TENM2: variants seen among roughly 807,000 people sequenced by gnomAD.
The protein encoded by TENM2 is teneurin transmembrane protein 2, also known as teneurin-2.
Under a neutral mutation model 245.2 loss-of-function variants are expected in TENM2, and 52 were observed. The ratio of observed to expected loss-of-function variants is 0.21; its 90% CI spans 0.17 to 0.27. The LOEUF is 0.27. TENM2 is among the 10% of genes least tolerant of loss of function. TENM2 has a pLI of 1.00. For synonymous variants in TENM2, 1,363 were observed against 1,438.9 expected (o/e 0.95, Z 1.19); for missense variants, 3,046 against 3,666.8 (o/e 0.83, Z 4.37).
At chr5:167,836,357 C>T (rs1768986494) in intron 2 of TENM2, among the ~76,000 whole-genome samples, 1 of 152,176 alleles carries the variant, frequency 6.6e-6, no homozygotes, top group African/African-American at 2.4e-5. Context: ...CAGGCCCTAC[C>T]TCCAGGAACT....
At chr5:167,311,632 CTT>C (rs761993583) in intron 1 of TENM2, among the ~76,000 whole-genome samples, 1 of 152,076 alleles carries the variant, frequency 6.6e-6, no homozygotes, top group Non-Finnish European at 1.5e-5. Context: ...CAGTGAACAT[CTT>C]TTACATAAAT....
chr5:167,823,937 T>C (rs903663265), intron 2 of TENM2, among the ~76,000 whole-genome samples: 1 of 152,158 alleles, frequency 6.6e-6, no homozygotes, highest in Non-Finnish European at 1.5e-5. Flanking sequence ...CTCTCAGGGC[T>C]ACATCCACAC....
chr5:167,215,348 C>T, the TENM2 span, among the ~76,000 whole-genome samples: 1 of 152,172 alleles, frequency 6.6e-6, no homozygotes, highest in Non-Finnish European at 1.5e-5. Context: ...GTGACTCTAA[C>T]GTGCGGGCAA....
At chr5:168,203,433 G>A (rs564422514) in intron 17 of TENM2, among the ~76,000 whole-genome samples, 38 of 152,268 alleles carry the variant, frequency 2.5e-4, no homozygotes, top group East Asian at 5.8e-4. Context: ...AAAGCCAGTC[G>A]TTCATTGGAA....
At chr5:167,358,686 A>G (rs1023513612) in intron 1 of TENM2, among the ~76,000 whole-genome samples, 3 of 151,466 alleles carry the variant, frequency 2.0e-5, no homozygotes, top group Non-Finnish European at 4.4e-5. Flanking sequence ...ATGACTCCCA[A>G]ATCTGTATCT....
chr5:167,605,847 T>C (rs1464054078), intron 2 of TENM2, among the ~76,000 whole-genome samples: 1 of 152,166 alleles, frequency 6.6e-6, no homozygotes, highest in Non-Finnish European at 1.5e-5. Context: ...ATCAGGATCA[T>C]GAAAGGAGCT....
At chr5:167,775,654 C>T (rs1227570800) in intron 2 of TENM2, among the ~76,000 whole-genome samples, 1 of 152,080 alleles carries the variant, frequency 6.6e-6, no homozygotes, top group Non-Finnish European at 1.5e-5. Flanking sequence ...TGAGTACCTA[C>T]TCTGGGCACA....
At position 168,066,377 on chromosome 5, in the gene TENM2, A is replaced by G. The variant is rs551630645; in HGVS notation, c.1515+4112A>G. On this transcript the variant is annotated intron_variant, in intron 7 of 28. Transcript: ENST00000518659. ...CCTGGAAGGAGCACCAGAAATATCA[A>G]TGAAGATCCCTAATGACTTAAACAT... Among the ~76,000 whole-genome samples the G allele has an allele frequency of 5.9e-5, 9 of 152,318 alleles. No homozygotes were observed. The East Asian group carries it at 1.7e-3, about 29-fold the overall frequency.
intron 25 of TENM2, among the ~76,000 whole-genome samples, chr5:168,235,089 G>A (rs1375493157): frequency 6.6e-6 from 1 of 152,174 alleles, no homozygotes; most frequent in Non-Finnish European, 1.5e-5. Context: ...GTTCTGCGTG[G>A]AGCCCACTCA....
the TENM2 span, among the ~76,000 whole-genome samples, chr5:167,117,044 G>C: frequency 6.6e-6 from 1 of 152,230 alleles, no homozygotes; most frequent in Non-Finnish European, 1.5e-5. Context: ...AGATACTGCA[G>C]ATGAGAACTC....
intron 10 of TENM2, among the ~76,000 whole-genome samples, chr5:168,123,436 G>A (rs1182012897): frequency 1.3e-5 from 2 of 152,218 alleles, no homozygotes; most frequent in South Asian, 2.1e-4. Flanking sequence ...GAATATAACA[G>A]TGAATTATTT....
At chr5:167,179,260 G>A in the TENM2 span, among the ~76,000 whole-genome samples, 1 of 152,062 alleles carries the variant, frequency 6.6e-6, no homozygotes, top group South Asian at 2.1e-4. Flanking sequence ...TGTTTGTTAC[G>A]ATGCAGAATT....
intron 4 of TENM2, among the ~76,000 whole-genome samples, chr5:167,992,409 T>C (rs1374955965): frequency 1.3e-5 from 2 of 152,256 alleles, no homozygotes; most frequent in Non-Finnish European, 2.9e-5. Context: ...ATAGTAGGTA[T>C]CTAGCTCTAT....
At chr5:167,428,571 T>C (rs1764021264) in intron 2 of TENM2, among the ~76,000 whole-genome samples, 2 of 152,218 alleles carry the variant, frequency 1.3e-5, no homozygotes, top group Admixed American at 1.3e-4. Context: ...AAAAAAGAAT[T>C]TGAAATTTCA....
At chr5:167,599,858 G>T (rs968649050) in intron 2 of TENM2, among the ~76,000 whole-genome samples, 1 of 151,964 alleles carries the variant, frequency 6.6e-6, no homozygotes, top group Non-Finnish European at 1.5e-5. Flanking sequence ...ATCGTTAAAG[G>T]TTTCATGGCT....
chr5:168,034,125 A>G (rs1297970552), intron 5 of TENM2, among the ~76,000 whole-genome samples: 27 of 115,602 alleles, frequency 2.3e-4, no homozygotes, highest in African/African-American at 1.0e-3. Context: ...ATATGTGTAT[A>G]TATATATATG....
At chr5:167,584,819 C>T (rs1450352218) in intron 2 of TENM2, among the ~76,000 whole-genome samples, 1 of 151,968 alleles carries the variant, frequency 6.6e-6, no homozygotes, top group Non-Finnish European at 1.5e-5. Context: ...CTCAGCCTCC[C>T]AAGTAGCTGG....
the TENM2 span, among the ~76,000 whole-genome samples, chr5:167,186,752 A>G: frequency 5.8e-4 from 89 of 152,328 alleles, no homozygotes; most frequent in African/African-American, 2.1e-3. Context: ...GCCCCTGGCT[A>G]GAGATTAAGT....
At chr5:167,835,749 C>A (rs772313581) in intron 2 of TENM2, among the ~76,000 whole-genome samples, 8 of 151,924 alleles carry the variant, frequency 5.3e-5, no homozygotes, top group Non-Finnish European at 1.2e-4. Flanking sequence ...CCTTGGAAGA[C>A]AAATAAACAT....
Sources: allele counts gnomAD v4.1 joint callset (sites outside exome capture counted in the v4.1 genomes callset), GRCh38; gene constraint gnomAD v4.1.1; transcripts MANE v1.5; gene names NCBI Gene and HGNC (gene_info 2026-07-23, HGNC 2026-07-21).